The following RORA variants were observed in gnomAD, a reference collection of about 807,000 sequenced individuals.
RORA encodes nuclear receptor ROR-alpha.
In RORA, 7 loss-of-function variants were observed where a neutral mutation model predicts 69.5. That is an observed-to-expected ratio of 0.10 (90% CI 0.06 to 0.19). The LOEUF (loss-of-function observed/expected upper bound fraction) is 0.19. RORA is among the 10% of genes least tolerant of loss of function. The pLI is 1.00. For missense variants in RORA, 457 were observed against 663.0 expected, an observed-to-expected ratio of 0.69 and a Z score of 3.41; for synonymous variants, 261 against 240.8, an observed-to-expected ratio of 1.08 and a Z score of -0.78.
At chr15:60,596,208 C>T (rs113988087) in intron 2 of RORA, among the ~76,000 whole-genome samples, 128 of 152,228 alleles carry the variant, frequency 8.4e-4, no homozygotes, top group Admixed American at 1.7e-3. Flanking sequence ...AAACTTATCC[C>T]GAATCTGCAA....
At chr15:60,571,141 T>C (rs2140452995) in intron 2 of RORA, among the ~76,000 whole-genome samples, 1 of 151,558 alleles carries the variant, frequency 6.6e-6, no homozygotes. Context: ...TTATTTACTG[T>C]TCTTGCTATT....
At chr15:61,025,520 G>A (rs1452006104) in intron 1 of RORA, among the ~76,000 whole-genome samples, 1 of 152,210 alleles carries the variant, frequency 6.6e-6, no homozygotes, top group Non-Finnish European at 1.5e-5. Context: ...TTCTAGAGAT[G>A]AAAATGCGAC....
At chr15:60,635,000 C>T (rs2069809844) in intron 2 of RORA, among the ~76,000 whole-genome samples, 1 of 152,202 alleles carries the variant, frequency 6.6e-6, no homozygotes, top group Non-Finnish European at 1.5e-5. Context: ...AAGCCCAGAG[C>T]CCTGCAGATA....
intron 1 of RORA, among the ~76,000 whole-genome samples, chr15:60,697,184 C>A (rs181491051): frequency 3.7e-4 from 57 of 152,302 alleles, no homozygotes; most frequent in Middle Eastern, 3.4e-3. Flanking sequence ...CTAAAAGCAA[C>A]GCCAATTGCT....
chr15:61,072,286 T>C lies in RORA; in HGVS notation c.166+156767A>G, dbSNP rs542290867. Among the ~76,000 whole-genome samples, 6 of 152,262 alleles carry C rather than the reference T, an allele frequency of 3.9e-5. No homozygotes were observed. In the South Asian group the frequency reaches 1.2e-3, roughly 32 times the overall value. ...TGCCCCCTCTTCTCAGTTCCCTCAA[T>C]GGACATTGGCATTGATGAGCCCATA... On this transcript the variant is annotated intron_variant, in intron 1 of 10. Coordinates refer to ENST00000335670, the MANE Select transcript of RORA (RefSeq NM_134261.3).
chr15:60,743,842 T>G (rs2071611281), intron 1 of RORA, among the ~76,000 whole-genome samples: 1 of 152,254 alleles, frequency 6.6e-6, no homozygotes. Context: ...TCTTTCCCTC[T>G]TGTCTTCTAG....
At chr15:61,012,529 A>G (rs934840520) in intron 1 of RORA, among the ~76,000 whole-genome samples, 1 of 152,260 alleles carries the variant, frequency 6.6e-6, no homozygotes, top group African/African-American at 2.4e-5. Context: ...AACAAAATTC[A>G]TGTCTCAGAA....
At chr15:60,999,111 G>A (rs1255926852) in intron 1 of RORA, among the ~76,000 whole-genome samples, 1 of 152,228 alleles carries the variant, frequency 6.6e-6, no homozygotes, top group East Asian at 1.9e-4. Context: ...TTATCAAGCA[G>A]TTGTTGCTGA....
chr15:60,778,153 A>C (rs150331667), intron 1 of RORA, among the ~76,000 whole-genome samples: 1 of 152,240 alleles, frequency 6.6e-6, no homozygotes, highest in South Asian at 2.1e-4. Flanking sequence ...TCCAATGCTC[A>C]GTGCTGAGGG....
chr15:60,857,187 G>A (rs2073389356), intron 1 of RORA, among the ~76,000 whole-genome samples: 1 of 152,138 alleles, frequency 6.6e-6, no homozygotes, highest in Non-Finnish European at 1.5e-5. Context: ...CAAGGGCTAT[G>A]ATGAATAGTT....
intron 1 of RORA, among the ~76,000 whole-genome samples, chr15:61,021,681 A>G (rs1895532423): frequency 6.6e-6 from 1 of 152,180 alleles, no homozygotes; most frequent in Non-Finnish European, 1.5e-5. Context: ...CAGATGCACA[A>G]TTCTCTTCCT....
intron 1 of RORA, among the ~76,000 whole-genome samples, chr15:60,735,974 T>C (rs937620604): frequency 1.3e-5 from 2 of 152,210 alleles, no homozygotes; most frequent in African/African-American, 2.4e-5. Flanking sequence ...GATGTACCCA[T>C]GCCCTTCACA....
chr15:60,709,490 G>A lies in RORA; in HGVS notation c.167-30804C>T, dbSNP rs190844106. Reference sequence around the variant, plus strand: ...TACTGGTCCTGTTAGGAACTGGACCGCACAGCAGGAGGTGAGCCGAGGGTG... The same window carrying A: ...TACTGGTCCTGTTAGGAACTGGACCACACAGCAGGAGGTGAGCCGAGGGTG... On this transcript the variant is annotated intron_variant, in intron 1 of 10. Coordinates refer to ENST00000335670, the MANE Select transcript of RORA (RefSeq NM_134261.3). Among the ~76,000 whole-genome samples, 46 of 152,210 alleles carry A rather than the reference G, an allele frequency of 3.0e-4. No homozygotes were observed. The East Asian group carries it at 3.5e-3, about 11-fold the overall frequency.
intron 1 of RORA, among the ~76,000 whole-genome samples, chr15:60,704,408 G>A (rs933061331): frequency 2.0e-5 from 3 of 152,098 alleles, no homozygotes; most frequent in African/African-American, 7.2e-5. Flanking sequence ...CTCCCCAAAG[G>A]TGCTGGAGGC....
chr15:60,742,241 A>T (rs1377911602), intron 1 of RORA, among the ~76,000 whole-genome samples: 2 of 152,218 alleles, frequency 1.3e-5, no homozygotes, highest in African/African-American at 4.8e-5. Flanking sequence ...AATAACTTCA[A>T]TGTTTGAGTG....
At chr15:61,050,382 T>C (rs534078329) in intron 1 of RORA, among the ~76,000 whole-genome samples, 1 of 152,338 alleles carries the variant, frequency 6.6e-6, no homozygotes, top group East Asian at 1.9e-4. Flanking sequence ...TTCTAAAAAA[T>C]TTCAAACAAT....
In RORA at chr15:61,226,523, A is replaced by T. The variant is rs2080146663; in HGVS notation, c.166+2530T>A. On this transcript the variant is annotated intron_variant, in intron 1 of 10. Coordinates refer to ENST00000335670, the MANE Select transcript of RORA (RefSeq NM_134261.3). The surrounding 1 kb of genome is among the most constrained non-coding windows in gnomAD (Gnocchi z 4.2). Reference sequence around the variant, plus strand: ...CATATTCTGCCAACTCCATTACATCATCTGAAAACCCAAACATTTCCCATT... The same window carrying T: ...CATATTCTGCCAACTCCATTACATCTTCTGAAAACCCAAACATTTCCCATT... Among the ~76,000 whole-genome samples, 1 of 152,184 alleles carries T rather than the reference A, an allele frequency of 6.6e-6. No homozygotes were observed. Among genetic ancestry groups the T allele is most frequent in the Admixed American group, 6.5e-5 (1 of 15,274 alleles).
chr15:60,634,459 C>G (rs2069799677), intron 2 of RORA, among the ~76,000 whole-genome samples: 1 of 151,032 alleles, frequency 6.6e-6, no homozygotes, highest in Non-Finnish European at 1.5e-5. Flanking sequence ...GGCTGGAGCA[C>G]TGAGACACAA....
chr15:60,676,899 A>G (rs2070562330), intron 2 of RORA, among the ~76,000 whole-genome samples: 1 of 152,246 alleles, frequency 6.6e-6, no homozygotes, highest in East Asian at 1.9e-4. Context: ...TCTGTATACT[A>G]GGTAACATCT....
Sources: gnomAD v4.1 joint callset for allele counts (sites outside exome capture counted in the v4.1 genomes callset) on GRCh38, gnomAD v4.1.1 for gene constraint, Gnocchi (gnomAD v3.1) non-coding constraint, MANE v1.5 for transcripts, NCBI Gene and HGNC (gene_info 2026-07-23, HGNC 2026-07-21) for gene names.